ATP6V0A1: variants seen among roughly 807,000 people sequenced by gnomAD.
ATP6V0A1 encodes ATPase H+ transporting V0 subunit a1.
In ATP6V0A1, 43 loss-of-function variants were observed where a neutral mutation model predicts 105.4. The observed-to-expected ratio is 0.41, with a 90% CI of 0.32 to 0.53. ATP6V0A1 has a LOEUF of 0.53. Ranked by LOEUF, ATP6V0A1 falls within the 20% of genes least tolerant of loss-of-function variation. ATP6V0A1 has a pLI of 0.30. For missense variants in ATP6V0A1, 676 were observed against 1,051.1 expected, an observed-to-expected ratio of 0.64 and a Z score of 4.93; for synonymous variants, 362 against 372.8, an observed-to-expected ratio of 0.97 and a Z score of 0.33.
chr17:42,516,873 CA>C (rs2092649593), intron 21 of ATP6V0A1, among the ~76,000 whole-genome samples: 1 of 152,230 alleles, frequency 6.6e-6, no homozygotes, highest in African/African-American at 2.4e-5. Context: ...GGAACCTGAG[CA>C]GAACATTCAC....
chr17:42,501,655 C>T (rs1335404698), intron 17 of ATP6V0A1, among the ~76,000 whole-genome samples: 2 of 150,920 alleles, frequency 1.3e-5, no homozygotes, highest in African/African-American at 2.4e-5. Context: ...CCTCATGATC[C>T]GTCCACCTTG....
In ATP6V0A1 at chr17:42,502,494, G is replaced by A. The variant is rs904778355; in HGVS notation, c.2004+1190G>A. Reference sequence around the variant, plus strand: ...GTCTGTGTGTATATGAATTCTGCGCGCGCACACACACACACACACACAGAG... The same window carrying A: ...GTCTGTGTGTATATGAATTCTGCGCACGCACACACACACACACACACAGAG... On this transcript the variant is annotated intron_variant, in intron 17 of 21. Transcript: ENST00000343619. Among the ~76,000 whole-genome samples the A allele has an allele frequency of 4.6e-5, 7 of 151,784 alleles. No individual in the cohort carries two copies. The South Asian group carries it at 6.2e-4, about 14-fold the overall frequency.
intron 19 of ATP6V0A1, 120 bp downstream of exon 19, chr17:42,508,709 A>G: frequency 7.3e-7 from 1 of 1,372,450 alleles, no homozygotes; most frequent in Non-Finnish European, 1.0e-6. Context: ...GTGCCTCTGC[A>G]TCTCACTGGC....
chr17:42,517,199 G>A (rs2092663994), intron 21 of ATP6V0A1, among the ~76,000 whole-genome samples: 1 of 152,142 alleles, frequency 6.6e-6, no homozygotes, highest in African/African-American at 2.4e-5. Context: ...AGAATCGCTT[G>A]AACCCAGGAG....
intron 2 of ATP6V0A1, among the ~76,000 whole-genome samples, chr17:42,463,988 G>A (rs2086738651): frequency 6.6e-6 from 1 of 152,148 alleles, no homozygotes; most frequent in Non-Finnish European, 1.5e-5. Flanking sequence ...TTATGTTGAG[G>A]AGGCTGAGGA....
At chr17:42,460,170 A>T (rs944881893) in intron 1 of ATP6V0A1, 1 of 152,248 alleles carries the variant, frequency 6.6e-6, no homozygotes, top group Admixed American at 6.5e-5. Context: ...CTGTGGCTTG[A>T]TAAAACTGCT....
At chr17:42,472,826 A>G (rs1401569434) in intron 5 of ATP6V0A1, among the ~76,000 whole-genome samples, 1 of 152,214 alleles carries the variant, frequency 6.6e-6, no homozygotes, top group Non-Finnish European at 1.5e-5. Flanking sequence ...GGTTTTTCAA[A>G]CAACAGCAGC....
chr17:42,507,315 T>C (rs1375111268), intron 17 of ATP6V0A1: 1 of 508,638 alleles, frequency 2.0e-6, no homozygotes, highest in Non-Finnish European at 3.6e-6. Context: ...AAGGTGGTAA[T>C]TGTAGGTTGG....
Position 42,466,604 on chromosome 17 carries a change from A to G in ATP6V0A1, c.196+97A>G, listed in dbSNP as rs181312180. 558 of 1,094,980 alleles carry G rather than the reference A, an allele frequency of 5.1e-4. 3 individuals are homozygous for G. Among genetic ancestry groups the G allele is most frequent in the Middle Eastern group, 1.7e-3 (8 of 4,678 alleles). 67.8% of individuals were successfully genotyped at this position (1,094,980 alleles called of 1,614,324 possible). On this transcript the variant is annotated intron_variant, in intron 3 of 21. Transcript: ENST00000343619. ...CTTAATAGAGGAAGAAAATGTTATAAGAGAAAAGGGAAAAATCTTGCAGTT... is the reference window on the plus strand; with the variant it reads ...CTTAATAGAGGAAGAAAATGTTATAGGAGAAAAGGGAAAAATCTTGCAGTT...
rs78417394 is a variant in ATP6V0A1, at chr17:42,508,785, G to A, written c.2130+196G>A. 1.1e-3 allele frequency among the ~76,000 whole-genome samples: 165 copies of A among 152,244 alleles called. 1 individual carries two copies. The highest frequency in any genetic ancestry group is 3.6e-3 in the African/African-American group (151 of 41,536). On this transcript the variant is annotated intron_variant, in intron 19 of 21. Coordinates refer to ENST00000343619, the MANE Select transcript of ATP6V0A1 (RefSeq NM_001130021.3). Reference sequence around the variant, plus strand: ...ATCTCCATTAACTGCATCTCATGTCGGTCACCTCTGTCTTTGTTTCATTGA... The same window carrying A: ...ATCTCCATTAACTGCATCTCATGTCAGTCACCTCTGTCTTTGTTTCATTGA...
chr17:42,474,923 AG>A (rs1219128045), intron 5 of ATP6V0A1, among the ~76,000 whole-genome samples: 1 of 152,244 alleles, frequency 6.6e-6, no homozygotes, highest in African/African-American at 2.4e-5. Flanking sequence ...TTTCTTATCT[AG>A]GGCATTTAAA....
intron 2 of ATP6V0A1, among the ~76,000 whole-genome samples, chr17:42,462,889 C>T (rs577594861): frequency 1.3e-5 from 2 of 149,502 alleles, no homozygotes; most frequent in South Asian, 2.1e-4. Flanking sequence ...CTAGGATTAC[C>T]GGTGTGAGCC....
At chr17:42,508,508 G>A in intron 18 of ATP6V0A1, 64 bp from the exon 19 acceptor site, 1 of 1,601,354 alleles carries the variant, frequency 6.2e-7, no homozygotes, top group South Asian at 1.1e-5. Context: ...GTAGCCTTGT[G>A]CTCCTAACTT....
intron 21 of ATP6V0A1, among the ~76,000 whole-genome samples, chr17:42,515,744 C>T (rs902122908): frequency 1.5e-4 from 22 of 151,178 alleles, no homozygotes; most frequent in African/African-American, 4.1e-4. Flanking sequence ...GCCAAGATCG[C>T]GCCATTGTAC....
chr17:42,509,724 G>A (rs1211333739), intron 19 of ATP6V0A1: 1 of 152,220 alleles, frequency 6.6e-6, no homozygotes, highest in African/African-American at 2.4e-5. Flanking sequence ...CACCCACATT[G>A]TCAGAATGGT....
chr17:42,495,333 A>G (rs1321401340), intron 13 of ATP6V0A1, 145 bp downstream of exon 13: 3 of 948,382 alleles, frequency 3.2e-6, no homozygotes, highest in Non-Finnish European at 4.7e-6. Context: ...TTGCTTTGTG[A>G]TTTGTTCAGC....
At position 42,521,125 on chromosome 17, in the gene ATP6V0A1, C is replaced by T. The variant is rs756263113; in HGVS notation, c.*5C>T. ...GAAGGGAAGTTTGAAGAGTGAGTCC[C>T]TGTGAGGGCCGTGTGCCCCATGCTA... On this transcript the variant is annotated 3_prime_UTR_variant, in exon 22 of 22. Coordinates refer to ENST00000343619, the MANE Select transcript of ATP6V0A1 (RefSeq NM_001130021.3). This position sits in a 1 kb window ranked among gnomAD's most constrained non-coding sequence, Gnocchi z 4.8. 7 of 1,602,396 alleles carry T rather than the reference C, an allele frequency of 4.4e-6. No homozygotes were observed. Among genetic ancestry groups the T allele is most frequent in the Non-Finnish European group, 5.1e-6 (6 of 1,173,754 alleles).
At chr17:42,467,408 A>T (rs1444708617) in intron 3 of ATP6V0A1, among the ~76,000 whole-genome samples, 1 of 152,212 alleles carries the variant, frequency 6.6e-6, no homozygotes, top group East Asian at 1.9e-4. Context: ...AAGCCAGCTT[A>T]TGGTTAGCTG....
chr17:42,473,173 T>C (rs2088225207), intron 5 of ATP6V0A1, among the ~76,000 whole-genome samples: 1 of 152,206 alleles, frequency 6.6e-6, no homozygotes, highest in African/African-American at 2.4e-5. Context: ...ATTTTGAGAC[T>C]AGTGGTAACT....
Sources: gnomAD v4.1 joint callset for allele counts (sites outside exome capture counted in the v4.1 genomes callset) on GRCh38, gnomAD v4.1.1 for gene constraint, Gnocchi (gnomAD v3.1) non-coding constraint, MANE v1.5 for transcripts, NCBI Gene and HGNC (gene_info 2026-07-23, HGNC 2026-07-21) for gene names.